Variants in NMU observed in about 807,000 individuals in gnomAD.
NMU encodes neuromedin U.
NMU carries 29 observed loss-of-function variants against 35.4 expected under a neutral mutation model. The observed-to-expected ratio is 0.82, with a 90% CI of 0.61 to 1.12. The LOEUF (loss-of-function observed/expected upper bound fraction) is 1.12, where lower values mean the gene tolerates loss of function less well. NMU is among the 50% of genes most tolerant of loss of function. NMU has a pLI of 0.00. For synonymous variants in NMU, 78 were observed against 81.3 expected (o/e 0.96, Z 0.22); for missense variants, 199 against 206.2 (o/e 0.97, Z 0.21).
At chr4:55,613,608 C>T (rs1318545904) in intron 3 of NMU, among the ~76,000 whole-genome samples, 3 of 152,012 alleles carry the variant, frequency 2.0e-5, no homozygotes, top group Admixed American at 2.0e-4. Flanking sequence ...TTGAATCACG[C>T]CCCCCTGTAT....
chr4:55,618,789 CTTTCTTCTCTTCCT>C (rs1734231264), intron 2 of NMU, among the ~76,000 whole-genome samples: 1 of 141,846 alleles, frequency 7.0e-6, no homozygotes, highest in Admixed American at 7.2e-5. Flanking sequence ...CTTTCCCTTT[CTTTCTTCTCTTCCT>C]TTTCTTCTCT....
chr4:55,631,352 C>A (rs1382843558), intron 1 of NMU, among the ~76,000 whole-genome samples: 1 of 152,070 alleles, frequency 6.6e-6, no homozygotes, highest in African/African-American at 2.4e-5. Context: ...AAGGCTTTTG[C>A]ACAGCAAAAG....
chr4:55,609,221 A>G, intron 3 of NMU, 42 bp from the exon 4 acceptor site: 1 of 1,484,876 alleles, frequency 6.7e-7, no homozygotes, highest in Non-Finnish European at 9.4e-7. Context: ...CTTCTGCTTT[A>G]ACGACATTTA....
At chr4:55,616,460 C>G in intron 2 of NMU, 75 bp from the exon 3 acceptor site, 1 of 1,111,712 alleles carries the variant, frequency 9.0e-7, no homozygotes, top group Non-Finnish European at 1.4e-6. Flanking sequence ...TACAAAGTCA[C>G]ATTACCTATG....
intron 3 of NMU, among the ~76,000 whole-genome samples, chr4:55,612,773 T>A (rs13139100): frequency 0.36 from 55,361 of 152,046 alleles, 10,450 homozygotes; most frequent in East Asian, 0.59. Flanking sequence ...CTTCAAGGAT[T>A]TAAATACATG....
At chr4:55,609,668 G>T (rs1356371071) in intron 3 of NMU, among the ~76,000 whole-genome samples, 2 of 152,314 alleles carry the variant, frequency 1.3e-5, no homozygotes, top group African/African-American at 4.8e-5. Context: ...CATGCGTGGT[G>T]CACCTAATCT....
At chr4:55,615,991 C>A (rs776632582) in intron 3 of NMU, among the ~76,000 whole-genome samples, 10 of 152,188 alleles carry the variant, frequency 6.6e-5, no homozygotes, top group Non-Finnish European at 1.3e-4. Context: ...TCAAGTGATC[C>A]TCCCACCTGG....
chr4:55,600,700 G>A, intron 7 of NMU, 125 bp from the exon 8 acceptor site: 2 of 688,392 alleles, frequency 2.9e-6, no homozygotes, highest in South Asian at 1.8e-5. Flanking sequence ...AGGGAATCAG[G>A]GACTTGAATA....
In NMU at chr4:55,616,376, T is replaced by C. The variant is rs1236361000; in HGVS notation, c.181A>G (p.Thr61Ala). 1 of 1,611,292 alleles carries C rather than the reference T, an allele frequency of 6.2e-7. No homozygotes were observed. Among genetic ancestry groups the C allele is most frequent in the Non-Finnish European group, 8.5e-7 (1 of 1,177,466 alleles). ...TCAATGGACAGAAAAGACGAACAAG[T>C]ATCATCTATCTGTAGAAAACAAAAA... ...QLQLWNEIDD[T>A]CSSFLSIDSQ... Residue 61 changes from threonine (T) to alanine (A), a missense_variant, in exon 3 of 10, where the codon ACT (threonine) becomes GCT (alanine). Transcript: ENST00000264218.
intron 9 of NMU, among the ~76,000 whole-genome samples, chr4:55,596,186 T>C (rs1423420487): frequency 2.6e-5 from 4 of 152,086 alleles, no homozygotes; most frequent in African/African-American, 9.7e-5. Context: ...TCTAAATAAA[T>C]ATAGGTCATC....
At chr4:55,607,893 G>C (rs779041208) in intron 4 of NMU, among the ~76,000 whole-genome samples, 6 of 152,160 alleles carry the variant, frequency 3.9e-5, no homozygotes, top group South Asian at 2.1e-4. Context: ...ATTTTTAGCC[G>C]GGCGCGGTGG....
At chr4:55,605,625 T>C (rs1253140108) in intron 6 of NMU, among the ~76,000 whole-genome samples, 1 of 152,228 alleles carries the variant, frequency 6.6e-6, no homozygotes, top group Non-Finnish European at 1.5e-5. Flanking sequence ...TCTTGTGAAC[T>C]GTCAGCAAGT....
At chr4:55,615,458 C>A (rs577538224) in intron 3 of NMU, among the ~76,000 whole-genome samples, 1 of 152,114 alleles carries the variant, frequency 6.6e-6, no homozygotes, top group Non-Finnish European at 1.5e-5. Context: ...ATAGCAAACA[C>A]GCTTGATATC....
rs1436206593 is a variant in NMU at position 55,605,316 on chromosome 4, G to A, written c.394C>T (p.Pro132Ser). Residue 132 changes from proline to serine, a missense_variant, in exon 7 of 10, where the codon CCT becomes TCT. Physicochemically the swap from Pro to Ser is moderately conservative, Grantham distance 74 (BLOSUM62 -1). Transcript: ENST00000264218. ...TTCATTCTTCTCTCATGCAGGTGAG[G>A]AACGAGCTGCAGCAACGGATGCACA... Reference protein sequence around the residue: ...SVVHPLLQLVPHLHERRMKRF... With the variant: ...SVVHPLLQLVSHLHERRMKRF... 1 of 1,613,668 alleles carries A rather than the reference G, an allele frequency of 6.2e-7. No individual in the cohort carries two copies. The highest frequency in any genetic ancestry group is 8.5e-7 in the Non-Finnish European group (1 of 1,179,592).
intron 3 of NMU, among the ~76,000 whole-genome samples, chr4:55,615,837 G>A (rs1734093536): frequency 6.6e-6 from 1 of 152,046 alleles, no homozygotes; most frequent in Non-Finnish European, 1.5e-5. Context: ...TTGTGTCCAT[G>A]TGTTCTCGTC....
intron 1 of NMU, among the ~76,000 whole-genome samples, chr4:55,630,681 G>C (rs545171398): frequency 1.3e-5 from 2 of 152,088 alleles, no homozygotes; most frequent in African/African-American, 4.8e-5. Context: ...AATTACTTAT[G>C]TCTACAGACA....
chr4:55,631,146 A>T (rs1470836086), intron 1 of NMU, among the ~76,000 whole-genome samples: 1 of 152,182 alleles, frequency 6.6e-6, no homozygotes, highest in Non-Finnish European at 1.5e-5. Context: ...ATGAAAGTGG[A>T]TCCTTATCTC....
chr4:55,595,641 A>ATTTTTT (rs1350425305), intron 9 of NMU, among the ~76,000 whole-genome samples: 1 of 63,194 alleles, frequency 1.6e-5, no homozygotes, highest in Non-Finnish European at 2.8e-5. Flanking sequence ...ATATATATAT[A>ATTTTTT]TATTTTTTTT....
intron 3 of NMU, among the ~76,000 whole-genome samples, chr4:55,614,557 C>T (rs2110198838): frequency 6.6e-6 from 1 of 152,278 alleles, no homozygotes; most frequent in African/African-American, 2.4e-5. Flanking sequence ...GGTTTTAATG[C>T]ATAGCTTTAA....
Sources: allele counts gnomAD v4.1 joint callset (sites outside exome capture counted in the v4.1 genomes callset), GRCh38; gene constraint gnomAD v4.1.1; transcripts MANE v1.5; gene names NCBI Gene and HGNC (gene_info 2026-07-23, HGNC 2026-07-21).